The following ZNF431 variants were observed in gnomAD, a reference collection of about 807,000 sequenced individuals.
ZNF431 encodes the protein zinc finger protein 431.
A neutral mutation model predicts 57.0 loss-of-function variants in ZNF431; 34 were observed. That is an observed-to-expected ratio of 0.60 (90% confidence interval 0.45 to 0.79). The LOEUF (loss-of-function observed/expected upper bound fraction) is 0.79. Ranked by LOEUF, ZNF431 falls within the 30% of genes least tolerant of loss-of-function variation. ZNF431 has a pLI of 0.00. For synonymous variants in ZNF431, 207 were observed against 220.3 expected, an observed-to-expected ratio of 0.94 and a Z score of 0.54; for missense variants, 607 against 667.1, an observed-to-expected ratio of 0.91 and a Z score of 0.99.
intron 2 of ZNF431, among the ~76,000 whole-genome samples, chr19:21,157,111 T>C (rs908816347): frequency 1.0e-3 from 61 of 58,852 alleles, no homozygotes; most frequent in African/African-American, 3.6e-3. Flanking sequence ...CTACCATTAA[T>C]AGGCAGTTAG....
At chr19:21,148,277 G>A (rs950525324) in intron 2 of ZNF431, among the ~76,000 whole-genome samples, 27 of 152,116 alleles carry the variant, frequency 1.8e-4, no homozygotes, top group Non-Finnish European at 4.4e-5. Flanking sequence ...TTACAGACAT[G>A]AGCCACCATG....
chr19:21,177,335 G>A (rs766767005), intron 4 of ZNF431, among the ~76,000 whole-genome samples: 27 of 152,176 alleles, frequency 1.8e-4, no homozygotes, highest in Non-Finnish European at 3.4e-4. Context: ...TCAAATGGTT[G>A]TAGATATGCA....
Position 21,183,561 on chromosome 19 carries a change from A to G in ZNF431, c.1258A>G (p.Met420Val). ...GTCCTCAAACCTTACTACACATAAG[A>G]TGATTCATACTGGAGAGAAACCCTA... ...NESSNLTTHK[M>V]IHTGEKPYKC... The change falls in exon 5 of 5, where the codon ATG becomes GTG. Residue 420 changes from methionine (M) to valine (V), a missense_variant. Transcript: ENST00000311048. The G allele has an allele frequency of 6.2e-7, 1 of 1,613,418 alleles. No individual in the cohort carries two copies. The highest frequency in any genetic ancestry group is 8.5e-7 in the Non-Finnish European group (1 of 1,179,942).
chr19:21,164,365 A>T (rs1313274839), intron 2 of ZNF431, among the ~76,000 whole-genome samples: 1 of 152,112 alleles, frequency 6.6e-6, no homozygotes, highest in Non-Finnish European at 1.5e-5. Flanking sequence ...TGTCTGTGGC[A>T]GGGGAGGGCA....
In ZNF431 at chr19:21,189,610, A is replaced by G. The variant is rs1722086874; in HGVS notation, c.*5576A>G. ...CCATGTTGTGCAATAAATCTCTTGAACTTATTTCTTCCATTTGACTATAAT... is the reference window on the plus strand; with the variant it reads ...CCATGTTGTGCAATAAATCTCTTGAGCTTATTTCTTCCATTTGACTATAAT... On this transcript the variant is annotated 3_prime_UTR_variant, in exon 5 of 5. Coordinates refer to ENST00000311048, the MANE Select transcript of ZNF431 (RefSeq NM_133473.4). 3.2e-6 allele frequency: 1 copy of G among 313,916 alleles called. No individual in the cohort carries two copies. The highest frequency in any genetic ancestry group is 2.1e-5 in the African/African-American group (1 of 46,838). The allele number at this position is 313,916 out of a possible 1,614,324, so 19.4% of individuals were successfully genotyped here. A position where few individuals can be genotyped will look rare whatever the true frequency, so the allele number is the denominator to read the frequency against.
At chr19:21,168,969 T>C (rs1454597785) in intron 4 of ZNF431, among the ~76,000 whole-genome samples, 1 of 152,138 alleles carries the variant, frequency 6.6e-6, no homozygotes, top group Non-Finnish European at 1.5e-5. Flanking sequence ...TGGAGTGCAA[T>C]GGCATAATCT....
At position 21,182,877 on chromosome 19, in the gene ZNF431, A is replaced by G. The variant is rs568860176; in HGVS notation, c.574A>G (p.Asn192Asp). 3 of 1,614,034 alleles carry G rather than the reference A, an allele frequency of 1.9e-6. No individual in the cohort carries two copies. Among genetic ancestry groups the G allele is most frequent in the African/African-American group, 1.3e-5 (1 of 75,064 alleles). Residue 192 changes from asparagine (N) to aspartate (D), a missense_variant, in exon 5 of 5, where the codon AAT becomes GAT. Asn to Asp is a conservative substitution (Grantham distance 23). Transcript: ENST00000311048. ...VKVFHKFLNA[N>D]RHKTRHTGKK... Reference sequence around the variant, plus strand: ...AGTCTTTCATAAATTTTTAAATGCAAATAGACATAAGACAAGACATACTGG... The same window carrying G: ...AGTCTTTCATAAATTTTTAAATGCAGATAGACATAAGACAAGACATACTGG...
chr19:21,142,252 T>A (rs890038003), intron 1 of ZNF431, 66 bp downstream of exon 1: 7 of 1,610,086 alleles, frequency 4.3e-6, no homozygotes, highest in Non-Finnish European at 4.2e-6. Flanking sequence ...GGGAAGTGGC[T>A]GTGGCGGGAC....
intron 2 of ZNF431, among the ~76,000 whole-genome samples, chr19:21,162,145 TGTGTGTGTGTGTGTGTGTG>T (rs1347490435): frequency 4.0e-5 from 5 of 125,358 alleles, no homozygotes; most frequent in South Asian, 2.5e-4. Flanking sequence ...TCCAGCTAAT[TGTGTGTGTGTGTGTGTGTG>T]TGTGTGTGTG....
intron 2 of ZNF431, among the ~76,000 whole-genome samples, chr19:21,158,155 A>G (rs79971312): frequency 0.15 from 22,154 of 151,990 alleles, 1,903 homozygotes; most frequent in Non-Finnish European, 0.2. Context: ...GATCTTTTCT[A>G]TCTGTGAGCA....
At chr19:21,154,488 A>G (rs1009985168) in intron 2 of ZNF431, among the ~76,000 whole-genome samples, 1 of 152,202 alleles carries the variant, frequency 6.6e-6, no homozygotes, top group Non-Finnish European at 1.5e-5. Flanking sequence ...ATATGTGTGC[A>G]TGTGTCTTTA....
intron 2 of ZNF431, among the ~76,000 whole-genome samples, chr19:21,146,241 C>G (rs561756740): frequency 1.7e-4 from 26 of 151,942 alleles, no homozygotes; most frequent in African/African-American, 6.0e-4. Context: ...GAAACCCCGT[C>G]TCTACTAAAA....
chr19:21,143,490 C>A (rs934746832), intron 1 of ZNF431, 61 bp from the exon 2 acceptor site: 4 of 1,319,766 alleles, frequency 3.0e-6, no homozygotes, highest in Non-Finnish European at 4.4e-6. Flanking sequence ...AGATATCCAC[C>A]GTGGTTATGT....
In ZNF431 at chr19:21,155,011, G is replaced by C. The variant is rs551172814; in HGVS notation, c.97-11324G>C. Among the ~76,000 whole-genome samples, 282 of 152,250 alleles carry C rather than the reference G, an allele frequency of 1.9e-3. 1 individual carries two copies. The highest frequency in any genetic ancestry group is 6.6e-3 in the African/African-American group (274 of 41,538). On this transcript the variant is annotated intron_variant, in intron 2 of 4. Transcript: ENST00000311048. ...TGGTGGTTTCTTTTGCTGTGCAGAA[G>C]CTCTTGAGTTTAATTAGATCCCATT...
Position 21,186,976 on chromosome 19 carries a change from A to G in ZNF431, c.*2942A>G, listed in dbSNP as rs1453453844. ...TTCAGCTAAGTACTAGGGAGGCTTC[A>G]TTAGTCATGAGGATGTTTTTATATA... On this transcript the variant is annotated 3_prime_UTR_variant, in exon 5 of 5. Coordinates refer to ENST00000311048, the MANE Select transcript of ZNF431 (RefSeq NM_133473.4). The G allele has an allele frequency of 6.6e-6, 1 of 152,158 alleles. No individual in the cohort carries two copies. Among genetic ancestry groups the G allele is most frequent in the East Asian group, 1.9e-4 (1 of 5,192 alleles). 9.4% of individuals were successfully genotyped at this position (152,158 alleles called of 1,614,324 possible). A position where few individuals can be genotyped will look rare whatever the true frequency, so the allele number is the denominator to read the frequency against.
chr19:21,144,939 T>C (rs1048219834), intron 2 of ZNF431, among the ~76,000 whole-genome samples: 3 of 151,968 alleles, frequency 2.0e-5, no homozygotes, highest in Admixed American at 6.6e-5. Context: ...CCTAGAAGTA[T>C]TCCCATATAA....
chr19:21,149,568 G>T, intron 2 of ZNF431: 1 of 156,150 alleles, frequency 6.4e-6, no homozygotes, highest in Non-Finnish European at 1.2e-5. Context: ...GTTTTTCTTT[G>T]TCAATTTCTT....
intron 4 of ZNF431, among the ~76,000 whole-genome samples, chr19:21,172,849 A>G (rs1272915105): frequency 3.3e-5 from 5 of 152,186 alleles, no homozygotes; most frequent in Admixed American, 6.5e-5. Context: ...TTGTTCTGCA[A>G]AAGACTTCTA....
chr19:21,153,356 C>T (rs1970329516), intron 2 of ZNF431, among the ~76,000 whole-genome samples: 1 of 152,186 alleles, frequency 6.6e-6, no homozygotes, highest in Non-Finnish European at 1.5e-5. Context: ...TTTACTCAGC[C>T]TCTATTCAAA....
Sources: gnomAD v4.1 joint callset for allele counts (sites outside exome capture counted in the v4.1 genomes callset) on GRCh38, gnomAD v4.1.1 for gene constraint, MANE v1.5 for transcripts, NCBI Gene and HGNC (gene_info 2026-07-23, HGNC 2026-07-21) for gene names.